Variants in CSMD2 observed in about 807,000 individuals in gnomAD.
The protein encoded by CSMD2 is CUB and sushi domain-containing protein 2.
CSMD2 carries 130 observed loss-of-function variants against 398.5 expected under a neutral mutation model. That is an observed-to-expected ratio of 0.33 (90% CI 0.28 to 0.38). The LOEUF (loss-of-function observed/expected upper bound fraction) is 0.38, where lower values mean the gene tolerates loss of function less well. Ranked by LOEUF, CSMD2 falls within the 10% of genes least tolerant of loss-of-function variation. The probability of loss-of-function intolerance (pLI) is 1.00; values close to 1 mark genes in which losing one functional copy is unlikely to be tolerated. For synonymous variants in CSMD2, 1,828 were observed against 1,908.5 expected (o/e 0.96, Z 1.10); for missense variants, 3,829 against 4,764.9 (o/e 0.80, Z 5.78).
At position 34,165,133 on chromosome 1, in the gene CSMD2, C is replaced by T. The variant is rs1397562805; in HGVS notation, c.-36G>A. The T allele has an allele frequency of 8.3e-7, 1 of 1,211,594 alleles. No individual in the cohort carries two copies. Among genetic ancestry groups the T allele is most frequent in the Non-Finnish European group, 1.0e-6 (1 of 974,808 alleles). The allele number at this position is 1,211,594 out of a possible 1,614,324, so 75.1% of individuals were successfully genotyped here. A position where few individuals can be genotyped will look rare whatever the true frequency, so the allele number is the denominator to read the frequency against. ...GCAGCGCCGAGGGAGAGGCTCCGCT[C>T]GCCGCCGAGGAGAAAGGAGGTCAGG... On this transcript the variant is annotated 5_prime_UTR_variant, in exon 1 of 71. Coordinates refer to ENST00000373381, the MANE Select transcript of CSMD2 (RefSeq NM_001281956.2).
intron 25 of CSMD2, among the ~76,000 whole-genome samples, chr1:33,678,984 A>T (rs1421834918): frequency 6.6e-6 from 1 of 152,062 alleles, no homozygotes; most frequent in Non-Finnish European, 1.5e-5. Context: ...CTTCCCTCTA[A>T]CGTGCTGGGT....
At chr1:33,883,488 A>G (rs1254290245) in intron 5 of CSMD2, among the ~76,000 whole-genome samples, 1 of 151,934 alleles carries the variant, frequency 6.6e-6, no homozygotes, top group African/African-American at 2.4e-5. Flanking sequence ...TTAAGTCAGT[A>G]TTTCTCCAAG....
In CSMD2 at chr1:34,163,261, G is replaced by A. The variant is rs113967500; in HGVS notation, c.187+1650C>T. 3.3e-5 allele frequency among the ~76,000 whole-genome samples: 5 copies of A among 152,372 alleles called. 1 individual carries two copies. Among genetic ancestry groups the A allele is most frequent in the African/African-American group, 1.2e-4 (5 of 41,596 alleles). ...CCCCACCGCCCATGTGGCAAGTCTG[G>A]GTGACCAGCAGCGTCGGTATGCACA... On this transcript the variant is annotated intron_variant, in intron 1 of 70. Coordinates refer to ENST00000373381, the MANE Select transcript of CSMD2 (RefSeq NM_001281956.2). This position sits in a 1 kb window ranked among gnomAD's most constrained non-coding sequence, Gnocchi z 5.4.
At chr1:33,852,381 T>C (rs557079336) in intron 5 of CSMD2, among the ~76,000 whole-genome samples, 1 of 152,334 alleles carries the variant, frequency 6.6e-6, no homozygotes, top group Non-Finnish European at 1.5e-5. Context: ...TTTAATGTCT[T>C]TCCTCTTCAA....
chr1:33,982,358 T>C (rs1646201734), intron 3 of CSMD2, among the ~76,000 whole-genome samples: 1 of 152,162 alleles, frequency 6.6e-6, no homozygotes, highest in Non-Finnish European at 1.5e-5. Flanking sequence ...GCCCAAGCCC[T>C]GGGCTCTGAA....
At chr1:33,583,884 G>A (rs185206881) in intron 46 of CSMD2, 54 bp from the exon 47 acceptor site, 34 of 1,490,636 alleles carry the variant, frequency 2.3e-5, no homozygotes, top group Middle Eastern at 4.7e-4. Flanking sequence ...TGGAACTACG[G>A]CCAATACATT....
At chr1:34,104,134 T>C (rs1660291565) in intron 1 of CSMD2, among the ~76,000 whole-genome samples, 1 of 152,208 alleles carries the variant, frequency 6.6e-6, no homozygotes, top group African/African-American at 2.4e-5. Context: ...AGTCACATCT[T>C]GTTAAGGTTA....
chr1:33,941,153 C>T (rs1023513931), intron 3 of CSMD2, among the ~76,000 whole-genome samples: 1 of 152,184 alleles, frequency 6.6e-6, no homozygotes, highest in African/African-American at 2.4e-5. Context: ...TGACATTGAA[C>T]AATTCCATTG....
intron 3 of CSMD2, among the ~76,000 whole-genome samples, chr1:33,973,740 A>G (rs1241232060): frequency 6.6e-6 from 1 of 152,178 alleles, no homozygotes; most frequent in East Asian, 1.9e-4. Flanking sequence ...GAGAAGGAAG[A>G]GCCCCCAGGG....
Position 33,947,512 on chromosome 1 carries a change from T to C in CSMD2, c.518-11558A>G, listed in dbSNP as rs140952340. 2.7e-4 allele frequency among the ~76,000 whole-genome samples: 41 copies of C among 152,298 alleles called. No homozygotes were observed. In the East Asian group the frequency reaches 7.9e-3, roughly 29 times the overall value. ...CCAGCACACCTCACAGCCATCTCTC[T>C]TAAGGCAAGAGACAGCTGAACTTGT... On this transcript the variant is annotated intron_variant, in intron 3 of 70. Transcript: ENST00000373381.
intron 3 of CSMD2, among the ~76,000 whole-genome samples, chr1:33,966,629 A>G (rs1645567174): frequency 6.6e-6 from 1 of 152,206 alleles, no homozygotes; most frequent in African/African-American, 2.4e-5. Context: ...AGTCTAAGGA[A>G]GTAATGGTTT....
intron 1 of CSMD2, among the ~76,000 whole-genome samples, chr1:34,160,751 T>C (rs1431501500): frequency 6.6e-6 from 1 of 152,184 alleles, no homozygotes; most frequent in African/African-American, 2.4e-5. Context: ...TTTAATACAA[T>C]TCAGTTTGTA....
intron 3 of CSMD2, among the ~76,000 whole-genome samples, chr1:34,008,596 G>A (rs986795092): frequency 6.6e-6 from 1 of 152,162 alleles, no homozygotes; most frequent in Non-Finnish European, 1.5e-5. Flanking sequence ...ACAGAACTAA[G>A]GAGAACAATA....
At chr1:33,842,526 G>A (rs1660957697) in intron 6 of CSMD2, among the ~76,000 whole-genome samples, 1 of 151,984 alleles carries the variant, frequency 6.6e-6, no homozygotes, top group Non-Finnish European at 1.5e-5. Context: ...CTTTTCTCTA[G>A]GTGGCAGACT....
chr1:33,540,274 AC>A (rs1557503765), intron 60 of CSMD2, among the ~76,000 whole-genome samples: 29 of 132,250 alleles, frequency 2.2e-4, no homozygotes, highest in Non-Finnish European at 4.4e-4. Context: ...AAAAAAAAAA[AC>A]ACCCCCAATA....
At chr1:33,879,918 C>T (rs958506709) in intron 5 of CSMD2, among the ~76,000 whole-genome samples, 1 of 152,132 alleles carries the variant, frequency 6.6e-6, no homozygotes, top group Non-Finnish European at 1.5e-5. Context: ...ATGTAACACT[C>T]ATTGAGAGTT....
intron 5 of CSMD2, among the ~76,000 whole-genome samples, chr1:33,854,235 A>G (rs1487578939): frequency 1.3e-5 from 2 of 152,158 alleles, no homozygotes; most frequent in African/African-American, 2.4e-5. Context: ...CTCACCATGC[A>G]TTGCTGAACT....
At chr1:33,889,128 AAAGT>A (rs1641810207) in intron 5 of CSMD2, among the ~76,000 whole-genome samples, 1 of 152,222 alleles carries the variant, frequency 6.6e-6, no homozygotes, top group Admixed American at 6.5e-5. Context: ...GAGAGACAAC[AAAGT>A]AAGGCTAAAA....
chr1:33,828,583 G>T (rs1347576363), intron 6 of CSMD2, among the ~76,000 whole-genome samples: 2 of 152,188 alleles, frequency 1.3e-5, no homozygotes, highest in Non-Finnish European at 2.9e-5. Context: ...ATTCCCAGGG[G>T]CAAAGCTGCT....
Sources: allele counts gnomAD v4.1 joint callset (sites outside exome capture counted in the v4.1 genomes callset), GRCh38; gene constraint gnomAD v4.1.1; non-coding constraint Gnocchi (gnomAD v3.1); transcripts MANE v1.5; gene names NCBI Gene and HGNC (gene_info 2026-07-23, HGNC 2026-07-21).